The following SORBS3 variants were observed in gnomAD, a reference collection of about 807,000 sequenced individuals.
SORBS3 encodes the protein sorbin and SH3 domain containing 3, also known as vinexin.
A neutral mutation model predicts 98.0 loss-of-function variants in SORBS3; 69 were observed. The ratio of observed to expected loss-of-function variants is 0.70; its 90% CI spans 0.58 to 0.86. The LOEUF is 0.86. SORBS3 is among the 40% of genes least tolerant of loss of function. SORBS3 has a pLI of 0.00. For missense variants in SORBS3, 954 were observed against 908.5 expected (o/e 1.05, Z -0.64); for synonymous variants, 394 against 355.4 (o/e 1.11, Z -1.22).
At chr8:22,563,314 C>T (rs1840334622) in intron 7 of SORBS3, among the ~76,000 whole-genome samples, 1 of 152,156 alleles carries the variant, frequency 6.6e-6, no homozygotes. Flanking sequence ...GAGGCTGGAA[C>T]ATTCCATGTA....
intron 15 of SORBS3, 79 bp downstream of exon 15, chr8:22,566,947 C>A: frequency 2.6e-6 from 4 of 1,558,322 alleles, no homozygotes; most frequent in Non-Finnish European, 3.5e-6. Context: ...GGGGACTGGG[C>A]TGCAGTGGGC....
chr8:22,571,554 G>A, intron 18 of SORBS3, 164 bp from the exon 19 acceptor site: 1 of 630,016 alleles, frequency 1.6e-6, no homozygotes, highest in East Asian at 2.7e-5. Context: ...AATAGTCACA[G>A]CAGGTGTCCC....
At chr8:22,547,509 G>A (rs935450936), upstream of SORBS3, among the ~76,000 whole-genome samples, 7 of 152,332 alleles carry the variant, frequency 4.6e-5, no homozygotes, top group South Asian at 2.1e-4. Flanking sequence ...GGCCAGAGCC[G>A]TACTTTATGG....
rs1192996874 is a variant in SORBS3 at position 22,574,850 on chromosome 8, A to T, written c.*122A>T. 1 of 962,704 alleles carries T rather than the reference A, an allele frequency of 1.0e-6. No individual in the cohort carries two copies. Among genetic ancestry groups the T allele is most frequent in the Non-Finnish European group, 1.7e-6 (1 of 598,022 alleles). 59.6% of individuals were successfully genotyped at this position (962,704 alleles called of 1,614,324 possible). On this transcript the variant is annotated 3_prime_UTR_variant, in exon 21 of 21. Coordinates refer to ENST00000240123, the MANE Select transcript of SORBS3 (RefSeq NM_005775.5). ...GGACCTGAGCTCCCAGCATCTGCAG[A>T]CGACCCCCGCAGCCTTTCCCTCGGA...
chr8:22,564,372 G>A lies in SORBS3; in HGVS notation c.762+3G>A, dbSNP rs1411087815. 6.2e-7 allele frequency: 1 copy of A among 1,613,944 alleles called. No individual in the cohort carries two copies. Among genetic ancestry groups the A allele is most frequent in the African/African-American group, 1.3e-5 (1 of 74,946 alleles). On this transcript the variant is annotated splice_donor_region_variant and intron_variant, in intron 9 of 20. Coordinates refer to ENST00000240123, the MANE Select transcript of SORBS3 (RefSeq NM_005775.5). ...AGGAACTAGAGACTGGGCAGAGGGTGAGTGCTGGCTGGCTCTCGGGGTGTG... is the reference window on the plus strand; with the variant it reads ...AGGAACTAGAGACTGGGCAGAGGGTAAGTGCTGGCTGGCTCTCGGGGTGTG...
At chr8:22,547,596 A>C (rs1840029481), upstream of SORBS3, among the ~76,000 whole-genome samples, 1 of 152,228 alleles carries the variant, frequency 6.6e-6, no homozygotes, top group African/African-American at 2.4e-5. Flanking sequence ...AGGCTGATGC[A>C]GACCTAATTT....
chr8:22,572,535 T>C, intron 20 of SORBS3, 89 bp downstream of exon 20: 1 of 1,069,598 alleles, frequency 9.3e-7, no homozygotes, highest in Non-Finnish European at 1.4e-6. Flanking sequence ...TCAGCAAAGA[T>C]TCATGGCCGA....
upstream of SORBS3, among the ~76,000 whole-genome samples, chr8:22,548,158 C>T (rs34074304): frequency 1.6e-3 from 242 of 152,306 alleles, 1 homozygote; most frequent in Non-Finnish European, 1.9e-3. Flanking sequence ...TCTTGAATTC[C>T]AGATGAGCCA....
Position 22,558,142 on chromosome 8 carries a change from C to G in SORBS3, c.428C>G (p.Pro143Arg). The G allele has an allele frequency of 6.2e-7, 1 of 1,614,042 alleles. No individual in the cohort carries two copies. Among genetic ancestry groups the G allele is most frequent in the Non-Finnish European group, 8.5e-7 (1 of 1,179,998 alleles). ...PIAPRSSVDR[P>R]RDWYRRMFQQ... Reference sequence around the variant, plus strand: ...TTCTGATCCCAGAGCGTTGACAGACCCAGAGACTGGTACCGGAGAATGTTC... The same window carrying G: ...TTCTGATCCCAGAGCGTTGACAGACGCAGAGACTGGTACCGGAGAATGTTC... Residue 143 changes from proline (P) to arginine (R), a missense_variant, in exon 5 of 21, where the codon CCC (proline) becomes CGC (arginine). By Grantham distance (103) the Pro-to-Arg change is moderately radical. Coordinates refer to ENST00000240123, the MANE Select transcript of SORBS3 (RefSeq NM_005775.5).
chr8:22,558,301 C>A, intron 5 of SORBS3, 109 bp downstream of exon 5: 1 of 998,872 alleles, frequency 1.0e-6, no homozygotes, highest in East Asian at 2.4e-5. Context: ...GGTTCTTCTC[C>A]ACCTTCTCCC....
rs933994324 is a variant in SORBS3 at position 22,551,992 on chromosome 8, C to T, written c.-86C>T. ...GGATGCTCCTGCGCTCCCGGGCGGC[C>T]TCGGGCCCAGCCACCTGCTCGCCGG... On this transcript the variant is annotated 5_prime_UTR_variant, in exon 1 of 21. Transcript: ENST00000240123. This position sits in a 1 kb window ranked among gnomAD's most constrained non-coding sequence, Gnocchi z 5.8. The T allele has an allele frequency of 1.6e-5, 16 of 984,426 alleles. No individual in the cohort carries two copies. The African/African-American group carries it at 1.9e-4, about 12-fold the overall frequency. 61.0% of individuals were successfully genotyped at this position (984,426 alleles called of 1,614,324 possible). A position where few individuals can be genotyped will look rare whatever the true frequency, so the allele number is the denominator to read the frequency against.
intron 20 of SORBS3, chr8:22,573,364 T>A (rs1840639426): frequency 2.2e-6 from 1 of 456,130 alleles, no homozygotes; most frequent in Non-Finnish European, 4.4e-6. Context: ...AAAGTACCAC[T>A]TTTGTATTAG....
chr8:22,574,589 G>GC, intron 20 of SORBS3, 78 bp from the exon 21 acceptor site: 2 of 1,436,730 alleles, frequency 1.4e-6, no homozygotes, highest in Non-Finnish European at 1.9e-6. Context: ...GGCACTGCCG[G>GC]CAGGGGGCAG....
At chr8:22,573,932 C>A (rs1840656253) in intron 20 of SORBS3, among the ~76,000 whole-genome samples, 1 of 152,194 alleles carries the variant, frequency 6.6e-6, no homozygotes. Context: ...GTCCTTTCCA[C>A]CAGGCGCTCT....
At chr8:22,566,029 T>G in intron 12 of SORBS3, 157 bp downstream of exon 12, 1 of 585,412 alleles carries the variant, frequency 1.7e-6, no homozygotes, top group Non-Finnish European at 2.5e-6. Flanking sequence ...AGCGCCACTC[T>G]CTGCGGGGCG....
rs1840682894 is a variant in SORBS3 at position 22,574,674 on chromosome 8, C to T, written c.1962C>T (p.Ser654=). ...QCDDGWFVGV[S]RRTQKFGTFP... is the part of the protein sequence containing the mutation. ...CTGCCTTTCCTCTTTCAGGTGTCTC[C>T]CGGAGGACCCAGAAATTCGGAACGT... is the stretch of plus-strand genomic sequence containing the variant. The change falls in exon 21 of 21, where the codon TCC becomes TCT. Residue 654 remains serine, a synonymous_variant. Transcript: ENST00000240123. 2 of 1,612,456 alleles carry T rather than the reference C, an allele frequency of 1.2e-6. No homozygotes were observed. The highest frequency in any genetic ancestry group is 8.5e-7 in the Non-Finnish European group (1 of 1,179,224).
chr8:22,562,343 G>A (rs1304753727), intron 7 of SORBS3, among the ~76,000 whole-genome samples: 1 of 152,172 alleles, frequency 6.6e-6, no homozygotes, highest in Non-Finnish European at 1.5e-5. Flanking sequence ...AGAAAACAAG[G>A]GATATGGAAG....
At chr8:22,547,055 G>T (rs1840023318), upstream of SORBS3, among the ~76,000 whole-genome samples, 1 of 152,154 alleles carries the variant, frequency 6.6e-6, no homozygotes, top group South Asian at 2.1e-4. Flanking sequence ...CAGTTTACAG[G>T]CCAGAAAACG....
upstream of SORBS3, among the ~76,000 whole-genome samples, chr8:22,548,322 A>G (rs1171254481): frequency 6.6e-6 from 1 of 152,184 alleles, no homozygotes; most frequent in Admixed American, 6.5e-5. Flanking sequence ...GCAGGAATCA[A>G]CAGAGGACCC....
Sources: gnomAD v4.1 joint callset for allele counts (sites outside exome capture counted in the v4.1 genomes callset) on GRCh38, gnomAD v4.1.1 for gene constraint, Gnocchi (gnomAD v3.1) non-coding constraint, MANE v1.5 for transcripts, NCBI Gene and HGNC (gene_info 2026-07-23, HGNC 2026-07-21) for gene names.